RDX: variants seen among roughly 807,000 people sequenced by gnomAD.
The protein encoded by RDX is deafness, autosomal recessive 24.
RDX carries 32 observed loss-of-function variants against 83.7 expected under a neutral mutation model. The observed-to-expected ratio is 0.38, with a 90% CI of 0.29 to 0.51. The LOEUF is 0.51. RDX is among the 20% of genes least tolerant of loss of function. RDX has a pLI of 0.87. For missense variants in RDX, 600 were observed against 689.9 expected (o/e 0.87, Z 1.46); for synonymous variants, 229 against 222.7 (o/e 1.03, Z -0.25).
intron 1 of RDX, among the ~76,000 whole-genome samples, chr11:110,292,308 A>C (rs939967929): frequency 5.3e-5 from 8 of 151,972 alleles, no homozygotes; most frequent in Non-Finnish European, 1.2e-4. Context: ...AAAAAAAAAA[A>C]AATTAGCTAG....
chr11:110,288,908 A>G (rs933218563), intron 1 of RDX, among the ~76,000 whole-genome samples: 1 of 152,122 alleles, frequency 6.6e-6, no homozygotes, highest in Non-Finnish European at 1.5e-5. Flanking sequence ...AAGCATCACT[A>G]AGAAGAGAGA....
chr11:110,245,798 T>C (rs919440582), intron 10 of RDX, among the ~76,000 whole-genome samples: 4 of 152,212 alleles, frequency 2.6e-5, no homozygotes, highest in Admixed American at 6.5e-5. Context: ...ATCTCACTAC[T>C]AGAAAGGTGC....
chr11:110,246,787 T>A (rs1859124500), intron 10 of RDX, among the ~76,000 whole-genome samples: 1 of 150,594 alleles, frequency 6.6e-6, no homozygotes, highest in Non-Finnish European at 1.5e-5. Flanking sequence ...GATTTTCAGA[T>A]TTGAAATGCT....
chr11:110,237,479 G>A lies in RDX; in HGVS notation c.1251+13C>T, dbSNP rs533186850. ...TTATTTAAACTTTTTTCTCTAAGAA[G>A]ACAGTTCCTTACTAGCTGCTCCTGA... On this transcript the variant is annotated intron_variant, in intron 11 of 13. Coordinates refer to ENST00000645495, the MANE Select transcript of RDX (RefSeq NM_002906.4). 19 of 1,611,352 alleles carry A rather than the reference G, an allele frequency of 1.2e-5. No individual in the cohort carries two copies. In the South Asian group the frequency reaches 1.3e-4, roughly 11 times the overall value.
intron 9 of RDX, among the ~76,000 whole-genome samples, chr11:110,248,789 A>G (rs1859214002): frequency 6.6e-6 from 1 of 152,232 alleles, no homozygotes; most frequent in Non-Finnish European, 1.5e-5. Context: ...TGTATCTTAA[A>G]TAAAAGGGAG....
intron 14 of RDX, among the ~76,000 whole-genome samples, chr11:110,223,985 A>G (rs984090126): frequency 3.9e-5 from 6 of 152,088 alleles, no homozygotes; most frequent in African/African-American, 1.2e-4. Context: ...AGATAGCGCC[A>G]TTGCACTCCA....
intron 1 of RDX, among the ~76,000 whole-genome samples, chr11:110,289,210 C>T (rs530926899): frequency 2.7e-3 from 396 of 149,110 alleles, no homozygotes; most frequent in African/African-American, 9.6e-3. Flanking sequence ...TGCACTCCAG[C>T]CTCGGCAACA....
chr11:110,189,268 AGAC>A lies in RDX; in HGVS notation c.*31+10310_*31+10312del, dbSNP rs1863058010. 3.3e-3 allele frequency among the ~76,000 whole-genome samples: 427 copies of A among 130,010 alleles called. 12 individuals are homozygous for A. The highest frequency in any genetic ancestry group is 0.013 in the African/African-American group (399 of 31,728). The allele number at this position is 130,010 out of a possible 152,430, so 85.3% of individuals were successfully genotyped here. A position where few individuals can be genotyped will look rare whatever the true frequency, so the allele number is the denominator to read the frequency against. On this transcript the variant is annotated intron_variant, in intron 15 of 15. Coordinates refer to the RDX transcript ENST00000528498. ...TAAAAAAAAAAAAAAAAAAAAAAAA[AGAC>A]AAGGGCATTACATAATGACAAAGGG...
At chr11:110,274,139 T>G (rs1227214493) in intron 2 of RDX, among the ~76,000 whole-genome samples, 1 of 152,200 alleles carries the variant, frequency 6.6e-6, no homozygotes, top group Non-Finnish European at 1.5e-5. Flanking sequence ...TTTTTTCTTT[T>G]CTAAAACTGT....
intron 1 of RDX, among the ~76,000 whole-genome samples, chr11:110,284,040 A>T (rs529087493): frequency 6.6e-6 from 1 of 152,306 alleles, no homozygotes; most frequent in South Asian, 2.1e-4. Flanking sequence ...TTAAAACTAC[A>T]AATGTTTTAC....
At chr11:110,289,979 A>AAAAAAAAAAAAAACAAAC (rs1555049799) in intron 1 of RDX, among the ~76,000 whole-genome samples, 1 of 144,620 alleles carries the variant, frequency 6.9e-6, no homozygotes, top group African/African-American at 2.7e-5. Flanking sequence ...AAAAAAAAAA[A>AAAAAAAAAAAAAACAAAC]AAACAAGGGT....
At chr11:110,193,137 C>T (rs150554218) in intron 15 of RDX, among the ~76,000 whole-genome samples, 3,747 of 152,156 alleles carry the variant, frequency 0.025, 75 homozygotes, top group Non-Finnish European at 0.038. Flanking sequence ...CAACAGTGGA[C>T]TGGATAAAGA....
chr11:110,208,934 C>T (rs889073122), intron 14 of RDX, among the ~76,000 whole-genome samples: 4 of 152,206 alleles, frequency 2.6e-5, no homozygotes, highest in African/African-American at 9.6e-5. Flanking sequence ...CTAGCCTGGG[C>T]AACAAGAGCA....
At chr11:110,203,322 C>T (rs1419737860) in intron 14 of RDX, among the ~76,000 whole-genome samples, 1 of 149,442 alleles carries the variant, frequency 6.7e-6, no homozygotes, top group Non-Finnish European at 1.5e-5. Flanking sequence ...AATAATTAAA[C>T]TCATGGAGAT....
At chr11:110,209,166 C>A (rs533211963) in intron 14 of RDX, among the ~76,000 whole-genome samples, 3 of 152,154 alleles carry the variant, frequency 2.0e-5, no homozygotes, top group Non-Finnish European at 4.4e-5. Flanking sequence ...CGAGGCATTG[C>A]CTCACTTGGG....
intron 14 of RDX, among the ~76,000 whole-genome samples, chr11:110,212,184 C>T (rs1472239085): frequency 6.6e-6 from 1 of 151,384 alleles, no homozygotes; most frequent in Admixed American, 6.6e-5. Flanking sequence ...ATACAAACTA[C>T]CATCAGAGAA....
intron 9 of RDX, among the ~76,000 whole-genome samples, chr11:110,249,876 A>G (rs1859256671): frequency 6.6e-6 from 1 of 152,108 alleles, no homozygotes; most frequent in African/African-American, 2.4e-5. Flanking sequence ...GACCCTGTCA[A>G]ATAGAAAACA....
intron 3 of RDX, among the ~76,000 whole-genome samples, chr11:110,271,567 G>A (rs534044158): frequency 6.6e-6 from 1 of 152,268 alleles, no homozygotes; most frequent in Non-Finnish European, 1.5e-5. Context: ...TATCTGGGAA[G>A]CTTAAATTTT....
At chr11:110,287,998 T>C (rs1293042363) in intron 1 of RDX, among the ~76,000 whole-genome samples, 1 of 152,340 alleles carries the variant, frequency 6.6e-6, no homozygotes, top group East Asian at 1.9e-4. Flanking sequence ...CTCTCTATTG[T>C]TAGCAGGTCA....
Sources: gnomAD v4.1 joint callset for allele counts (sites outside exome capture counted in the v4.1 genomes callset) on GRCh38, gnomAD v4.1.1 for gene constraint, MANE v1.5 for transcripts, NCBI Gene and HGNC (gene_info 2026-07-23, HGNC 2026-07-21) for gene names.